The following CNTNAP2 variants were observed in gnomAD, a reference collection of about 807,000 sequenced individuals.
The protein encoded by CNTNAP2 is contactin-associated protein-like 2.
In CNTNAP2, 98 loss-of-function variants were observed where a neutral mutation model predicts 155.2. The ratio of observed to expected loss-of-function variants is 0.63; its 90% CI spans 0.54 to 0.75. CNTNAP2 has a LOEUF of 0.75. Among genes scored for constraint, CNTNAP2 ranks in the 30% least tolerant of loss-of-function variants. CNTNAP2 has a pLI of 0.00. For synonymous variants in CNTNAP2, 651 were observed against 631.2 expected (o/e 1.03, Z -0.47); for missense variants, 1,727 against 1,688.1 (o/e 1.02, Z -0.40).
chr7:148,385,736 GTTTTTTTTTTTT>G (rs398006728), intron 22 of CNTNAP2, among the ~76,000 whole-genome samples: 5 of 95,356 alleles, frequency 5.2e-5, no homozygotes, highest in African/African-American at 1.2e-4. Flanking sequence ...AGTGTGACAG[GTTTTTTTTTTTT>G]TTTTTTTTTT....
intron 8 of CNTNAP2, among the ~76,000 whole-genome samples, chr7:147,137,208 T>A (rs571563130): frequency 6.6e-6 from 1 of 151,466 alleles, no homozygotes; most frequent in Non-Finnish European, 1.5e-5. Flanking sequence ...TGGAATACTA[T>A]TATGTCATTA....
chr7:146,638,852 A>G (rs1205504192), intron 1 of CNTNAP2, among the ~76,000 whole-genome samples: 1 of 152,120 alleles, frequency 6.6e-6, no homozygotes, highest in African/African-American at 2.4e-5. Flanking sequence ...TTGTACAAAA[A>G]TCACAGAGTG....
intron 11 of CNTNAP2, among the ~76,000 whole-genome samples, chr7:147,489,819 G>A (rs921819935): frequency 1.1e-4 from 16 of 152,258 alleles, no homozygotes; most frequent in Admixed American, 2.0e-4. Flanking sequence ...GATTCACTGC[G>A]TTAGCCAGGA....
intron 1 of CNTNAP2, among the ~76,000 whole-genome samples, chr7:146,288,120 G>A (rs1800366730): frequency 6.6e-6 from 1 of 151,540 alleles, no homozygotes; most frequent in Non-Finnish European, 1.5e-5. Context: ...GGCAACATAG[G>A]GACCCCGTCT....
intron 12 of CNTNAP2, among the ~76,000 whole-genome samples, chr7:147,597,787 A>T (rs145110765): frequency 1.5e-3 from 223 of 152,310 alleles, no homozygotes; most frequent in African/African-American, 5.0e-3. Flanking sequence ...AAATTTGCAA[A>T]GTTAGTTCCT....
At chr7:146,794,244 A>G (rs1262081806) in intron 2 of CNTNAP2, among the ~76,000 whole-genome samples, 1 of 152,178 alleles carries the variant, frequency 6.6e-6, no homozygotes, top group Non-Finnish European at 1.5e-5. Flanking sequence ...TAGAAATAGT[A>G]TTATCTCCTA....
At chr7:147,984,333 C>A (rs1238790168) in intron 15 of CNTNAP2, among the ~76,000 whole-genome samples, 1 of 152,204 alleles carries the variant, frequency 6.6e-6, no homozygotes, top group Non-Finnish European at 1.5e-5. Flanking sequence ...TGAAGTCCAG[C>A]AGGTCTTAGC....
chr7:147,920,410 CCT>C, intron 14 of CNTNAP2, among the ~76,000 whole-genome samples: 1 of 150,166 alleles, frequency 6.7e-6, no homozygotes, highest in East Asian at 2.0e-4. Context: ...TGGCTAACAC[CCT>C]GTTTCCCTGC....
At chr7:146,300,164 A>G (rs1800581726) in intron 1 of CNTNAP2, among the ~76,000 whole-genome samples, 1 of 152,226 alleles carries the variant, frequency 6.6e-6, no homozygotes. Flanking sequence ...TACAGCTCTA[A>G]GTCTATAAGA....
At chr7:148,152,130 C>T (rs1805307823) in intron 17 of CNTNAP2, among the ~76,000 whole-genome samples, 1 of 151,960 alleles carries the variant, frequency 6.6e-6, no homozygotes, top group Admixed American at 6.6e-5. Context: ...TTTTTCTTGC[C>T]CGCTACACAG....
At chr7:147,732,722 C>A in intron 13 of CNTNAP2, among the ~76,000 whole-genome samples, 1 of 152,108 alleles carries the variant, frequency 6.6e-6, no homozygotes, top group Non-Finnish European at 1.5e-5. Flanking sequence ...TTTTAATGAC[C>A]ACCATTCTAA....
intron 17 of CNTNAP2, among the ~76,000 whole-genome samples, chr7:148,153,228 T>G (rs1805337387): frequency 7.5e-6 from 1 of 132,838 alleles, no homozygotes; most frequent in East Asian, 2.3e-4. Flanking sequence ...CATGTCCTTT[T>G]GCAAAGTAAC....
intron 15 of CNTNAP2, among the ~76,000 whole-genome samples, chr7:148,080,784 G>A (rs1189977627): frequency 4.7e-5 from 7 of 148,470 alleles, no homozygotes; most frequent in African/African-American, 1.6e-4. Context: ...TTATAGAGCA[G>A]GGGGGGAAAT....
chr7:148,170,648 C>T (rs1422972878), intron 17 of CNTNAP2, among the ~76,000 whole-genome samples: 1 of 152,178 alleles, frequency 6.6e-6, no homozygotes, highest in African/African-American at 2.4e-5. Context: ...ATGATTAAAA[C>T]CAATGAGTCA....
At chr7:147,669,211 C>T (rs1375096390) in intron 13 of CNTNAP2, among the ~76,000 whole-genome samples, 3 of 149,698 alleles carry the variant, frequency 2.0e-5, no homozygotes, top group African/African-American at 7.4e-5. Flanking sequence ...GAACATACCC[C>T]CACTGTTAAG....
chr7:146,190,365 G>A (rs879418314), intron 1 of CNTNAP2, among the ~76,000 whole-genome samples: 1 of 152,182 alleles, frequency 6.6e-6, no homozygotes, highest in Non-Finnish European at 1.5e-5. Flanking sequence ...TAGAAAGACT[G>A]TTGAAGTACG....
Position 147,043,891 on chromosome 7 carries a change from C to T in CNTNAP2, c.403-16C>T. Reference sequence around the variant, plus strand: ...AGTATTTTTCCCAATTTTTAAAATACTATTTCCTTTTCCAGGCATTTCCCG... The same window carrying T: ...AGTATTTTTCCCAATTTTTAAAATATTATTTCCTTTTCCAGGCATTTCCCG... On this transcript the variant is annotated splice_polypyrimidine_tract_variant and intron_variant, in intron 3 of 23. Transcript: ENST00000361727. 1 of 1,613,968 alleles carries T rather than the reference C, an allele frequency of 6.2e-7. No homozygotes were observed.
chr7:146,351,936 T>C (rs1794920391), intron 1 of CNTNAP2, among the ~76,000 whole-genome samples: 1 of 152,136 alleles, frequency 6.6e-6, no homozygotes, highest in African/African-American at 2.4e-5. Flanking sequence ...CATAACGTAT[T>C]TGGAGGAGTT....
intron 1 of CNTNAP2, among the ~76,000 whole-genome samples, chr7:146,429,498 G>T (rs1796141244): frequency 6.6e-6 from 1 of 151,982 alleles, no homozygotes; most frequent in South Asian, 2.1e-4. Context: ...GTTGTGAACG[G>T]GAGTTCATTC....
Sources: allele counts gnomAD v4.1 joint callset (sites outside exome capture counted in the v4.1 genomes callset), GRCh38; gene constraint gnomAD v4.1.1; transcripts MANE v1.5; gene names NCBI Gene and HGNC (gene_info 2026-07-23, HGNC 2026-07-21).